CNKSR2: variants seen among roughly 807,000 people sequenced by gnomAD.
CNKSR2 encodes the protein connector enhancer of kinase suppressor of Ras 2.
Under a neutral mutation model 84.4 loss-of-function variants are expected in CNKSR2, and 14 were observed. That is an observed-to-expected ratio of 0.17 (90% CI 0.11 to 0.26). CNKSR2 has a LOEUF of 0.26. CNKSR2 is among the 10% of genes least tolerant of loss of function. The pLI is 1.00. For synonymous variants in CNKSR2, 275 were observed against 277.9 expected (o/e 0.99, Z 0.10); for missense variants, 485 against 771.2 (o/e 0.63, Z 4.40).
intron 9 of CNKSR2, among the ~76,000 whole-genome samples, chrX:21,517,262 G>A (rs1226756939): frequency 9.1e-6 from 1 of 110,126 alleles, no homozygotes; most frequent in Non-Finnish European, 1.9e-5. Flanking sequence ...GTATGCGCCT[G>A]TAGTCCCAGC....
intron 1 of CNKSR2, among the ~76,000 whole-genome samples, chrX:21,407,812 T>C (rs1469238075): frequency 8.9e-6 from 1 of 112,070 alleles, no homozygotes; most frequent in Non-Finnish European, 1.9e-5. Context: ...AATCACACAC[T>C]TCTTAAATTT....
intron 15 of CNKSR2, chrX:21,593,723 A>G (rs2092434724): frequency 8.9e-6 from 1 of 111,758 alleles, no homozygotes; most frequent in Admixed American, 9.5e-5. Flanking sequence ...GTGAAAAATG[A>G]CCTTTATATA....
chrX:21,637,663 C>G (rs1416077995), intron 20 of CNKSR2, among the ~76,000 whole-genome samples: 3 of 111,313 alleles, frequency 2.7e-5, no homozygotes, highest in African/African-American at 9.8e-5. Flanking sequence ...CTGTTTTGGT[C>G]TGAACATTCT....
At chrX:21,426,791 G>A in intron 2 of CNKSR2, 131 bp downstream of exon 2, 2 of 685,656 alleles carry the variant, frequency 2.9e-6, no homozygotes, top group Non-Finnish European at 4.2e-6. Flanking sequence ...CAACCAGCTG[G>A]ACCTGATATT....
In CNKSR2 at chrX:21,483,503, A is replaced by T. The variant is rs1242187847; in HGVS notation, c.562-6956A>T. On this transcript the variant is annotated intron_variant, in intron 5 of 21. Coordinates refer to ENST00000379510, the MANE Select transcript of CNKSR2 (RefSeq NM_014927.5). ...TATACCTAATGTAAATGACAAGTTA[A>T]TGGGTACAGCACACGAACATGGCAC... 5.5e-5 allele frequency among the ~76,000 whole-genome samples: 6 copies of T among 108,128 alleles called. No homozygotes were observed. The East Asian group carries it at 1.7e-3, about 31-fold the overall frequency. The allele number at this position is 108,128 out of a possible 115,157, so 93.9% of individuals were successfully genotyped here.
intron 1 of CNKSR2, among the ~76,000 whole-genome samples, chrX:21,384,589 T>C (rs2146951659): frequency 8.9e-6 from 1 of 112,095 alleles, no homozygotes; most frequent in African/African-American, 3.2e-5. Flanking sequence ...TGAAGATTAC[T>C]GTTAATATGT....
At chrX:21,609,755 C>A in intron 20 of CNKSR2, 138 bp downstream of exon 20, 8 of 806,332 alleles carry the variant, frequency 9.9e-6, no homozygotes, top group Non-Finnish European at 1.3e-5. Flanking sequence ...TTAGGTCTCC[C>A]TTGGTGACCT....
intron 17 of CNKSR2, among the ~76,000 whole-genome samples, chrX:21,599,046 C>A (rs2092465836): frequency 1.8e-5 from 2 of 112,847 alleles, no homozygotes; most frequent in South Asian, 7.2e-4. Flanking sequence ...CACACACTTT[C>A]TAAACAATTT....
chrX:21,443,777 G>A (rs2090816601), intron 4 of CNKSR2, among the ~76,000 whole-genome samples: 1 of 111,163 alleles, frequency 9.0e-6, no homozygotes, highest in African/African-American at 3.3e-5. Context: ...ATATTTACCT[G>A]TCAGATGTAT....
chrX:21,650,764 G>A (rs1418337596), intron 21 of CNKSR2, among the ~76,000 whole-genome samples: 1 of 112,004 alleles, frequency 8.9e-6, no homozygotes, highest in Non-Finnish European at 1.9e-5. Flanking sequence ...CAGATAGCAA[G>A]CAGCAAAGTT....
intron 20 of CNKSR2, chrX:21,641,803 C>T: frequency 1.0e-6 from 1 of 986,860 alleles, no homozygotes; most frequent in South Asian, 3.9e-5. Context: ...ATAAGAGGGG[C>T]AGGCCACTCT....
At chrX:21,619,860 AAAAAG>A (rs1287028096) in intron 20 of CNKSR2, among the ~76,000 whole-genome samples, 2 of 111,149 alleles carry the variant, frequency 1.8e-5, no homozygotes, top group Non-Finnish European at 3.8e-5. Flanking sequence ...CTTTTCTTAA[AAAAAG>A]AAAAGAAAAG....
chrX:21,491,298 C>T lies in CNKSR2; in HGVS notation c.681+720C>T, dbSNP rs181257922. 7 of 111,813 alleles carry T rather than the reference C, an allele frequency of 6.3e-5. No homozygotes were observed. In the East Asian group the frequency reaches 2.0e-3, roughly 31 times the overall value. The allele number at this position is 111,813 out of a possible 1,213,427, so 9.2% of individuals were successfully genotyped here. On this transcript the variant is annotated intron_variant, in intron 6 of 21. Transcript: ENST00000379510. ...TGGCTAGAGAATATCTTAACTACTACACAACTATTACATGTTAGTTTGGTG... is the reference window on the plus strand; with the variant it reads ...TGGCTAGAGAATATCTTAACTACTATACAACTATTACATGTTAGTTTGGTG...
At chrX:21,533,653 C>A in intron 11 of CNKSR2, among the ~76,000 whole-genome samples, 1 of 111,298 alleles carries the variant, frequency 9.0e-6, no homozygotes, top group Non-Finnish European at 1.9e-5. Context: ...GAATAGAATA[C>A]TTTTTAAATA....
chrX:21,457,594 C>T (rs146469832), intron 4 of CNKSR2, among the ~76,000 whole-genome samples: 6 of 111,337 alleles, frequency 5.4e-5, no homozygotes, highest in Admixed American at 3.8e-4. Flanking sequence ...TGTATTTTAG[C>T]GATTCAAGCA....
At chrX:21,522,048 A>G (rs1054275228) in intron 9 of CNKSR2, among the ~76,000 whole-genome samples, 4 of 111,273 alleles carry the variant, frequency 3.6e-5, no homozygotes, top group Non-Finnish European at 5.7e-5. Context: ...GAAACTAAAA[A>G]TTATATGTGA....
chrX:21,483,268 G>A (rs996403435), intron 5 of CNKSR2, among the ~76,000 whole-genome samples: 5 of 111,104 alleles, frequency 4.5e-5, no homozygotes, highest in African/African-American at 1.3e-4. Context: ...CCTTTGTAGG[G>A]ACATGGATGA....
At chrX:21,515,054 TG>T (rs2091713451) in intron 8 of CNKSR2, among the ~76,000 whole-genome samples, 3 of 110,498 alleles carry the variant, frequency 2.7e-5, no homozygotes, top group African/African-American at 9.9e-5. Context: ...AAAAAAAAAC[TG>T]GCAGTCTCAT....
intron 10 of CNKSR2, among the ~76,000 whole-genome samples, chrX:21,531,207 C>G (rs961348080): frequency 9.0e-6 from 1 of 110,613 alleles, no homozygotes; most frequent in African/African-American, 3.3e-5. Context: ...AATTTGATTC[C>G]TAAGGCTGCA....
Sources: gnomAD v4.1 joint callset for allele counts (sites outside exome capture counted in the v4.1 genomes callset) on GRCh38, gnomAD v4.1.1 for gene constraint, MANE v1.5 for transcripts, NCBI Gene and HGNC (gene_info 2026-07-23, HGNC 2026-07-21) for gene names.